The following MYO1C variants were observed in gnomAD, a reference collection of about 807,000 sequenced individuals.
MYO1C encodes myosin IC.
In MYO1C, 104 loss-of-function variants were observed where a neutral mutation model predicts 150.8. The ratio of observed to expected loss-of-function variants is 0.69; its 90% confidence interval spans 0.59 to 0.81. The LOEUF (loss-of-function observed/expected upper bound fraction) is 0.81, where lower values mean the gene tolerates loss of function less well. Ranked by LOEUF, MYO1C falls within the 30% of genes least tolerant of loss-of-function variation. The pLI, the probability that MYO1C is intolerant of heterozygous loss-of-function variation, is 0.00. For missense variants in MYO1C, 1,504 were observed against 1,435.0 expected, an observed-to-expected ratio of 1.05 and a Z score of -0.78; for synonymous variants, 663 against 579.9, an observed-to-expected ratio of 1.14 and a Z score of -2.06.
chr17:1,469,352 C>G (rs1344682872), intron 25 of MYO1C, 179 bp downstream of exon 25: 2 of 650,824 alleles, frequency 3.1e-6, no homozygotes, highest in East Asian at 5.6e-5. Flanking sequence ...GGGGTAAATA[C>G]GGTAGACTGG....
At position 1,470,559 on chromosome 17, in the gene MYO1C, A is replaced by G. The variant is rs767280453; in HGVS notation, c.2282-40T>C. 7.0e-6 allele frequency: 11 copies of G among 1,567,966 alleles called. No homozygotes were observed. In the African/African-American group the frequency reaches 1.2e-4, roughly 17 times the overall value. On this transcript the variant is annotated intron_variant, in intron 22 of 31. Transcript: ENST00000648651. Reference sequence around the variant, plus strand: ...ACAGATGGCTGAACTCTATCTTCTTACCATGGTGGCCCCCCCTGGCCCCAG... The same window carrying G: ...ACAGATGGCTGAACTCTATCTTCTTGCCATGGTGGCCCCCCCTGGCCCCAG...
rs1328650897 is a variant in MYO1C at position 1,476,502 on chromosome 17, G to T, written c.1574+1003C>A. On this transcript the variant is annotated intron_variant, in intron 14 of 31. Transcript: ENST00000648651. ...AAACAAATTTTCAATATATTATTAT[G>T]CAAAAAATACTCATGGCTTTGGCAT... Among the ~76,000 whole-genome samples, 4 of 152,066 alleles carry T rather than the reference G, an allele frequency of 2.6e-5. No homozygotes were observed. In the East Asian group the frequency reaches 7.7e-4, roughly 29 times the overall value.
chr17:1,469,907 C>T (rs574433675), intron 24 of MYO1C, among the ~76,000 whole-genome samples: 488 of 152,010 alleles, frequency 3.2e-3, no homozygotes, highest in Non-Finnish European at 5.4e-3. Context: ...TAGTGGCGGG[C>T]GCCTGTAGTC....
intron 1 of MYO1C, chr17:1,485,424 G>T: frequency 1.1e-6 from 1 of 904,772 alleles, no homozygotes; most frequent in Non-Finnish European, 1.4e-6. Flanking sequence ...CGAAGCGGCT[G>T]CCAAATCCGG....
At position 1,465,434 on chromosome 17, in the gene MYO1C, A is replaced by G. The variant is rs557096082; in HGVS notation, c.*292T>C. 2.9e-6 allele frequency: 1 copy of G among 349,580 alleles called. No individual in the cohort carries two copies. Among genetic ancestry groups the G allele is most frequent in the Non-Finnish European group, 5.1e-6 (1 of 195,020 alleles). The allele number at this position is 349,580 out of a possible 1,614,324, so 21.7% of individuals were successfully genotyped here. ...AAAGCATCAAAAAAACCTCAGAGAA[A>G]ACCTCAGCAAAAGTTCCCTTCTCTC... On this transcript the variant is annotated 3_prime_UTR_variant, in exon 32 of 32. Transcript: ENST00000648651.
rs770141212 is a variant in MYO1C, at chr17:1,480,894, AGG to A, written c.628-11_628-10del. ...CCACCCACGGGGGCACCCTGTGGGCAGGGCAGGGCATGAGGCCGGGTCACGGG... is the reference window on the plus strand; with the variant it reads ...CCACCCACGGGGGCACCCTGTGGGCAGCAGGGCATGAGGCCGGGTCACGGG... On this transcript the variant is annotated splice_polypyrimidine_tract_variant and intron_variant, in intron 5 of 31. Coordinates refer to ENST00000648651, the MANE Select transcript of MYO1C (RefSeq NM_001080779.2). 1.9e-6 allele frequency: 3 copies of A among 1,613,498 alleles called. No homozygotes were observed. In the South Asian group the frequency reaches 3.3e-5, roughly 18 times the overall value.
At chr17:1,470,750 C>T in intron 21 of MYO1C, 61 bp from the exon 22 acceptor site, 1 of 1,520,310 alleles carries the variant, frequency 6.6e-7, no homozygotes, top group Non-Finnish European at 8.9e-7. Context: ...GAGCCTGGTG[C>T]CGTGTGCGCT....
intron 1 of MYO1C, among the ~76,000 whole-genome samples, chr17:1,487,587 G>A (rs901889978): frequency 1.5e-4 from 23 of 152,238 alleles, no homozygotes; most frequent in African/African-American, 5.5e-4. Flanking sequence ...GGGGGAGGGC[G>A]GGAGGAGACG....
At chr17:1,477,837 G>C in intron 13 of MYO1C, 54 bp downstream of exon 13, 1 of 1,502,656 alleles carries the variant, frequency 6.7e-7, no homozygotes, top group Non-Finnish European at 9.3e-7. Flanking sequence ...GGAGAAGGGG[G>C]ACATCCTCCC....
intron 16 of MYO1C, 50 bp from the exon 17 acceptor site, chr17:1,474,740 A>G: frequency 6.2e-7 from 1 of 1,612,936 alleles, no homozygotes; most frequent in East Asian, 2.2e-5. Flanking sequence ...CAGGCAGGAC[A>G]GGCTCCTGGA....
rs757106390 is a variant in MYO1C at position 1,479,566 on chromosome 17, C to T, written c.1020+26G>A. On this transcript the variant is annotated intron_variant, in intron 8 of 31. Coordinates refer to ENST00000648651, the MANE Select transcript of MYO1C (RefSeq NM_001080779.2). The surrounding 1 kb of genome is among the most constrained non-coding windows in gnomAD (Gnocchi z 4.2). ...CCAGCCCCCGCCCCCGCCGTCCTCC[C>T]GTCGCCCTCTGCCCGCCCCACTCAC... 23 of 1,560,844 alleles carry T rather than the reference C, an allele frequency of 1.5e-5. No individual in the cohort carries two copies. The highest frequency in any genetic ancestry group is 4.6e-5 in the East Asian group (2 of 43,752).
At chr17:1,484,111 C>A (rs769075246) in intron 2 of MYO1C, 37 bp downstream of exon 2, 78 of 1,610,532 alleles carry the variant, frequency 4.8e-5, no homozygotes, top group Non-Finnish European at 5.8e-5. Context: ...GTGTCTGTGA[C>A]CCCAGCACCC....
At chr17:1,466,152 CCTT>C (rs1186999739) in intron 31 of MYO1C, among the ~76,000 whole-genome samples, 5 of 123,596 alleles carry the variant, frequency 4.0e-5, no homozygotes, top group Non-Finnish European at 6.6e-5. Flanking sequence ...TGCCGTGCTG[CCTT>C]TTTTTTTTTT....
chr17:1,471,117 G>C lies in MYO1C; in HGVS notation c.2166C>G (p.Thr722=). 1.2e-6 allele frequency: 2 copies of C among 1,614,178 alleles called. No individual in the cohort carries two copies. The highest frequency in any genetic ancestry group is 1.7e-6 in the Non-Finnish European group (2 of 1,180,016). The part of the protein sequence containing the change: ...RTKIFIRFPK[T]LFATEDALEV... ...CCAGGGCATCCTCTGTGGCAAACAGGGTCTTGGGGAAGCGGATGAAGATCT... is the reference window on the plus strand; with the variant it reads ...CCAGGGCATCCTCTGTGGCAAACAGCGTCTTGGGGAAGCGGATGAAGATCT... Residue 722 remains threonine, a synonymous_variant, in exon 21 of 32, where the codon ACC becomes ACG. Coordinates refer to ENST00000648651, the MANE Select transcript of MYO1C (RefSeq NM_001080779.2).
At position 1,478,392 on chromosome 17, in the gene MYO1C, G is replaced by A. The variant is rs1464161535; in HGVS notation, c.1295+18C>T. On this transcript the variant is annotated intron_variant, in intron 11 of 31. Coordinates refer to ENST00000648651, the MANE Select transcript of MYO1C (RefSeq NM_001080779.2). The surrounding 1 kb of genome is among the most constrained non-coding windows in gnomAD (Gnocchi z 6.3). The stretch of plus-strand genomic sequence containing the variant: ...GACAGGAGACCGGGAGGAGAGACGG[G>A]GGAAAGATGGCACCGACCTGTTATG... 1.2e-6 allele frequency: 2 copies of A among 1,613,918 alleles called. No individual in the cohort carries two copies. The highest frequency in any genetic ancestry group is 1.7e-6 in the Non-Finnish European group (2 of 1,179,902).
intron 19 of MYO1C, 71 bp downstream of exon 19, chr17:1,471,836 G>C: frequency 2.0e-6 from 3 of 1,487,646 alleles, no homozygotes; most frequent in Non-Finnish European, 2.8e-6. Context: ...ACCCTTGTCT[G>C]CCCTCATGGG....
In MYO1C at chr17:1,466,433, C is replaced by T. The variant is rs140775094; in HGVS notation, c.3166-681G>A. ...GCAACCTCCACCTCCCGGGTTTAAG[C>T]GATTCTCCTGCCTCAGCCTCCCAAG... On this transcript the variant is annotated intron_variant, in intron 31 of 31. Transcript: ENST00000648651. Among the ~76,000 whole-genome samples the T allele has an allele frequency of 8.4e-3, 1,275 of 152,186 alleles. 19 individuals carry two copies. The highest frequency in any genetic ancestry group is 0.022 in the African/African-American group (915 of 41,522).
chr17:1,488,151 T>TCCGCC (rs1567537908), intron 1 of MYO1C, among the ~76,000 whole-genome samples: 4 of 145,912 alleles, frequency 2.7e-5, no homozygotes, highest in African/African-American at 2.5e-5. Flanking sequence ...GGCCGCAGTG[T>TCCGCC]CCGCCCCGCC....
At chr17:1,481,496 G>A (rs1004674869) in intron 5 of MYO1C, among the ~76,000 whole-genome samples, 13 of 152,036 alleles carry the variant, frequency 8.6e-5, no homozygotes, top group African/African-American at 3.1e-4. Context: ...AGCAGCTAAA[G>A]TCATTTTTTT....
Sources: allele counts gnomAD v4.1 joint callset (sites outside exome capture counted in the v4.1 genomes callset), GRCh38; gene constraint gnomAD v4.1.1; non-coding constraint Gnocchi (gnomAD v3.1); transcripts MANE v1.5; gene names NCBI Gene and HGNC (gene_info 2026-07-23, HGNC 2026-07-21).